Variants in GRIN2A observed in about 807,000 individuals in gnomAD.
GRIN2A encodes glutamate receptor ionotropic, NMDA 2A.
A neutral mutation model predicts 113.4 loss-of-function variants in GRIN2A; 22 were observed. That is an observed-to-expected ratio of 0.19 (90% CI 0.14 to 0.28). The LOEUF (loss-of-function observed/expected upper bound fraction) is 0.28, where lower values mean the gene tolerates loss of function less well. GRIN2A is among the 10% of genes least tolerant of loss of function. The probability of loss-of-function intolerance (pLI) is 1.00; values close to 1 mark genes in which losing one functional copy is unlikely to be tolerated. For missense variants in GRIN2A, 1,502 were observed against 1,887.0 expected, an observed-to-expected ratio of 0.80 and a Z score of 3.78; for synonymous variants, 827 against 738.4, an observed-to-expected ratio of 1.12 and a Z score of -1.94.
At chr16:10,078,915 T>A (rs534208034) in intron 2 of GRIN2A, among the ~76,000 whole-genome samples, 1 of 152,352 alleles carries the variant, frequency 6.6e-6, no homozygotes, top group African/African-American at 2.4e-5. Flanking sequence ...CAAACACTGT[T>A]GTGCATTCTG....
chr16:10,028,013 T>C (rs2046854879), intron 2 of GRIN2A, among the ~76,000 whole-genome samples: 1 of 152,210 alleles, frequency 6.6e-6, no homozygotes, highest in Non-Finnish European at 1.5e-5. Flanking sequence ...TGGGGACTTA[T>C]TACAAAGTGC....
intron 4 of GRIN2A, among the ~76,000 whole-genome samples, chr16:9,863,324 T>C (rs943489810): frequency 6.6e-6 from 1 of 152,218 alleles, no homozygotes; most frequent in East Asian, 1.9e-4. Flanking sequence ...TCTTCCACTT[T>C]GGGAAGGGGC....
chr16:9,889,767 A>C (rs1400494212), intron 4 of GRIN2A, among the ~76,000 whole-genome samples: 1 of 152,098 alleles, frequency 6.6e-6, no homozygotes, highest in Non-Finnish European at 1.5e-5. Context: ...TTCTAGATAT[A>C]TTTTTGTTAC....
intron 2 of GRIN2A, among the ~76,000 whole-genome samples, chr16:9,979,947 T>A (rs1165311206): frequency 6.6e-6 from 1 of 151,342 alleles, no homozygotes; most frequent in South Asian, 2.1e-4. Flanking sequence ...TCTGGTGATA[T>A]TGGAAAATTC....
chr16:9,937,554 C>T (rs2044740572), intron 3 of GRIN2A, among the ~76,000 whole-genome samples: 1 of 152,036 alleles, frequency 6.6e-6, no homozygotes, highest in African/African-American at 2.4e-5. Context: ...ATTATGCAGA[C>T]TGGATAACTA....
At chr16:10,141,514 A>C (rs1342508288) in intron 2 of GRIN2A, among the ~76,000 whole-genome samples, 1 of 152,108 alleles carries the variant, frequency 6.6e-6, no homozygotes, top group Non-Finnish European at 1.5e-5. Flanking sequence ...TAAAATAAAA[A>C]CACAATGAAT....
At chr16:9,812,377 G>A (rs148966238) in intron 10 of GRIN2A, among the ~76,000 whole-genome samples, 2,221 of 152,286 alleles carry the variant, frequency 0.015, 31 homozygotes, top group Middle Eastern at 0.024. Flanking sequence ...GGTAACTCAC[G>A]CCTGTAATCC....
intron 2 of GRIN2A, among the ~76,000 whole-genome samples, chr16:10,044,206 G>T (rs1382467491): frequency 1.3e-5 from 2 of 151,704 alleles, no homozygotes; most frequent in African/African-American, 2.4e-5. Flanking sequence ...GCTAATTTTT[G>T]TATTTTTAGT....
chr16:10,002,111 A>C (rs988671089), intron 2 of GRIN2A, among the ~76,000 whole-genome samples: 1 of 152,190 alleles, frequency 6.6e-6, no homozygotes, highest in Non-Finnish European at 1.5e-5. Context: ...TACCAGGTGA[A>C]CCTTGAGAAA....
chr16:9,951,380 G>A (rs1038683688), intron 2 of GRIN2A, among the ~76,000 whole-genome samples: 3 of 152,224 alleles, frequency 2.0e-5, no homozygotes, highest in Admixed American at 2.0e-4. Context: ...GAGACCAGCA[G>A]ACCAAATACA....
Position 9,923,417 on chromosome 16 carries a change from G to A in GRIN2A, c.1007+14542C>T, listed in dbSNP as rs1041062925. On this transcript the variant is annotated intron_variant, in intron 3 of 12. Coordinates refer to ENST00000330684, the MANE Select transcript of GRIN2A (RefSeq NM_001134407.3). The stretch of plus-strand genomic sequence containing the variant: ...GATGTTTATACTATTTACATGTAAT[G>A]TGATTATTAATACAGTAGGTTTAAA... 2.6e-5 allele frequency among the ~76,000 whole-genome samples: 4 copies of A among 152,248 alleles called. No individual in the cohort carries two copies. In the South Asian group the frequency reaches 6.2e-4, roughly 24 times the overall value.
At chr16:9,846,371 A>G (rs1328779333) in intron 5 of GRIN2A, among the ~76,000 whole-genome samples, 2 of 152,226 alleles carry the variant, frequency 1.3e-5, no homozygotes, top group Admixed American at 6.6e-5. Context: ...AGAGGCTGAC[A>G]TTTGTGACCT....
chr16:9,914,866 C>CCAT lies in GRIN2A; in HGVS notation c.1007+23092_1007+23093insATG, dbSNP rs542041954. On this transcript the variant is annotated intron_variant, in intron 3 of 12. Transcript: ENST00000330684. The stretch of plus-strand genomic sequence containing the variant: ...AACATTCCCCACATGTGGGAAGGGG[C>CCAT]ATATGTTTCCATTTATTTACAGCCT... Among the ~76,000 whole-genome samples, 19 of 113,020 alleles carry CCAT rather than the reference C, an allele frequency of 1.7e-4. No individual in the cohort carries two copies. The East Asian group carries it at 4.5e-3, about 27-fold the overall frequency. The allele number at this position is 113,020 out of a possible 152,430, so 74.1% of individuals were successfully genotyped here.
intron 11 of GRIN2A, among the ~76,000 whole-genome samples, chr16:9,774,510 C>A (rs1336067164): frequency 6.6e-6 from 1 of 152,188 alleles, no homozygotes; most frequent in Non-Finnish European, 1.5e-5. Context: ...TCCAACTACT[C>A]ATCCATTCAT....
At chr16:9,769,822 C>T (rs540407422) in intron 11 of GRIN2A, among the ~76,000 whole-genome samples, 83 of 152,280 alleles carry the variant, frequency 5.5e-4, no homozygotes, top group Middle Eastern at 3.4e-3. Context: ...TGGCCTGTGG[C>T]AATCCTCAAA....
intron 11 of GRIN2A, among the ~76,000 whole-genome samples, chr16:9,796,098 A>G (rs1045314370): frequency 2.6e-5 from 4 of 152,228 alleles, no homozygotes; most frequent in African/African-American, 9.6e-5. Flanking sequence ...ATCCAGTATG[A>G]TGATTGACAT....
intron 2 of GRIN2A, among the ~76,000 whole-genome samples, chr16:10,076,035 G>A (rs1248671726): frequency 6.6e-6 from 1 of 152,106 alleles, no homozygotes; most frequent in Admixed American, 6.5e-5. Flanking sequence ...ATCTGCAAGA[G>A]TGAAAAATGC....
intron 10 of GRIN2A, among the ~76,000 whole-genome samples, chr16:9,818,187 G>A (rs1055334745): frequency 2.6e-5 from 4 of 152,082 alleles, no homozygotes; most frequent in Non-Finnish European, 5.9e-5. Flanking sequence ...CTGAAAGACC[G>A]CAGTCTCGTG....
rs566225260 is a variant in GRIN2A at position 10,000,251 on chromosome 16, G to A, written c.415-61700C>T. On this transcript the variant is annotated intron_variant, in intron 2 of 12. Transcript: ENST00000330684. The stretch of plus-strand genomic sequence containing the variant: ...ACACATCCACTGGTTCCAAGCATTA[G>A]GGCATGGACACATTTGGTGAGTCCT... 2.6e-5 allele frequency among the ~76,000 whole-genome samples: 4 copies of A among 152,224 alleles called. No individual in the cohort carries two copies. In the East Asian group the frequency reaches 7.7e-4, roughly 29 times the overall value.
Sources: gnomAD v4.1 joint callset for allele counts (sites outside exome capture counted in the v4.1 genomes callset) on GRCh38, gnomAD v4.1.1 for gene constraint, MANE v1.5 for transcripts, NCBI Gene and HGNC (gene_info 2026-07-23, HGNC 2026-07-21) for gene names.